Variants in CHST9 observed in about 807,000 individuals in gnomAD.
CHST9 encodes carbohydrate sulfotransferase 9, also known as GalNAc-4-sulfotransferase 2.
Under a neutral mutation model 44.4 loss-of-function variants are expected in CHST9, and 41 were observed. The ratio of observed to expected loss-of-function variants is 0.92; its 90% CI spans 0.72 to 1.20. CHST9 has a LOEUF of 1.20. Ranked by LOEUF, CHST9 falls within the 50% of genes most tolerant of loss-of-function variation. CHST9 has a pLI of 0.00. For missense variants in CHST9, 504 were observed against 516.5 expected (o/e 0.98, Z 0.23); for synonymous variants, 171 against 178.4 (o/e 0.96, Z 0.33).
chr18:27,038,537 CA>C (rs547192921), intron 3 of CHST9, among the ~76,000 whole-genome samples: 10 of 146,300 alleles, frequency 6.8e-5, no homozygotes, highest in African/African-American at 1.3e-4. Context: ...GACTCAGTTT[CA>C]AAAAAAAAAG....
chr18:27,031,307 C>T, intron 3 of CHST9, among the ~76,000 whole-genome samples: 1 of 152,122 alleles, frequency 6.6e-6, no homozygotes, highest in Non-Finnish European at 1.5e-5. Context: ...CCCCAAACCA[C>T]CCACCCCTCT....
intron 5 of CHST9, among the ~76,000 whole-genome samples, chr18:26,926,684 C>T (rs1226030254): frequency 6.6e-6 from 1 of 152,206 alleles, no homozygotes; most frequent in African/African-American, 2.4e-5. Flanking sequence ...TTCTCTAATT[C>T]TAACCCAGTA....
intron 1 of CHST9, among the ~76,000 whole-genome samples, chr18:27,180,997 T>C (rs1393844894): frequency 6.6e-6 from 1 of 152,198 alleles, no homozygotes; most frequent in Non-Finnish European, 1.5e-5. Context: ...ATCCCTACAC[T>C]TTATGTAGTG....
intron 1 of CHST9, among the ~76,000 whole-genome samples, chr18:27,178,020 A>G (rs1326210294): frequency 6.6e-6 from 1 of 151,968 alleles, no homozygotes; most frequent in Non-Finnish European, 1.5e-5. Context: ...GCACCACTAT[A>G]CTCGCATTAG....
At chr18:27,055,246 A>G (rs1394004420) in intron 2 of CHST9, among the ~76,000 whole-genome samples, 4 of 152,242 alleles carry the variant, frequency 2.6e-5, no homozygotes, top group African/African-American at 9.6e-5. Context: ...AAAGGGAGGA[A>G]GAGCATAACC....
At chr18:27,003,781 T>G (rs2056981251) in intron 4 of CHST9, among the ~76,000 whole-genome samples, 1 of 152,156 alleles carries the variant, frequency 6.6e-6, no homozygotes, top group Admixed American at 6.5e-5. Flanking sequence ...TTTGCTATAC[T>G]TTTCACTTTT....
intron 4 of CHST9, among the ~76,000 whole-genome samples, chr18:26,982,851 T>C (rs190064219): frequency 1.3e-5 from 2 of 152,208 alleles, no homozygotes; most frequent in South Asian, 2.1e-4. Flanking sequence ...ATAAAATTCA[T>C]ATACTCAAAA....
At chr18:27,138,748 A>G (rs1257827233) in intron 2 of CHST9, among the ~76,000 whole-genome samples, 1 of 152,168 alleles carries the variant, frequency 6.6e-6, no homozygotes, top group African/African-American at 2.4e-5. Flanking sequence ...AAATATGACT[A>G]TCCTCATTTT....
chr18:27,057,925 A>G (rs1031768060), intron 2 of CHST9, among the ~76,000 whole-genome samples: 4 of 152,242 alleles, frequency 2.6e-5, no homozygotes, highest in African/African-American at 9.6e-5. Context: ...GATCTACCCG[A>G]CAAGCACGTA....
chr18:26,920,683 T>C (rs2055634035), intron 5 of CHST9, among the ~76,000 whole-genome samples: 2 of 152,230 alleles, frequency 1.3e-5, no homozygotes, highest in South Asian at 2.1e-4. Context: ...TATGACCTTG[T>C]TGAAGAAAAA....
At chr18:27,027,025 T>A (rs1436902) in intron 3 of CHST9, among the ~76,000 whole-genome samples, 32,535 of 152,026 alleles carry the variant, frequency 0.21, 3,828 homozygotes, top group African/African-American at 0.31. Flanking sequence ...TTAATTTTTT[T>A]AAAAATTAGC....
chr18:27,026,437 C>T (rs891422081), intron 3 of CHST9, among the ~76,000 whole-genome samples: 3 of 151,994 alleles, frequency 2.0e-5, no homozygotes, highest in Non-Finnish European at 4.4e-5. Context: ...CTGTAAGCAT[C>T]GATTAAATGA....
chr18:27,056,809 G>C (rs2057661809), intron 2 of CHST9, among the ~76,000 whole-genome samples: 2 of 152,096 alleles, frequency 1.3e-5, no homozygotes, highest in Admixed American at 1.3e-4. Context: ...TTTCTGATAT[G>C]TTTACATCAC....
In CHST9 at chr18:26,952,097, G is replaced by A. The variant is rs8090343; in HGVS notation, c.203-7731C>T. On this transcript the variant is annotated intron_variant, in intron 4 of 5. Transcript: ENST00000618847. ...CACTGAAAAAGACAGAGCAATACTC[G>A]AACAGCAAAGAGGAAGCCACTTAGA... 1,443 of 417,120 alleles carry A rather than the reference G, an allele frequency of 3.5e-3. 22 individuals are homozygous for A. Among genetic ancestry groups the A allele is most frequent in the African/African-American group, 0.027 (1,299 of 48,442 alleles). 25.8% of individuals were successfully genotyped at this position (417,120 alleles called of 1,614,324 possible).
intron 1 of CHST9, among the ~76,000 whole-genome samples, chr18:27,174,929 C>T (rs1440917968): frequency 6.6e-6 from 1 of 151,910 alleles, no homozygotes; most frequent in African/African-American, 2.4e-5. Context: ...ACAAAATGTT[C>T]AAGAGTTTCC....
intron 2 of CHST9, among the ~76,000 whole-genome samples, chr18:27,076,369 T>C (rs1425802059): frequency 6.6e-6 from 1 of 152,162 alleles, no homozygotes; most frequent in Non-Finnish European, 1.5e-5. Context: ...GTAGTATTGG[T>C]CCATTTTAGT....
At chr18:27,104,193 A>C (rs1407537181) in intron 2 of CHST9, among the ~76,000 whole-genome samples, 11 of 152,092 alleles carry the variant, frequency 7.2e-5, no homozygotes. Context: ...TCATTTAAGT[A>C]AATTCTACAT....
chr18:26,948,012 G>A (rs1041143626), intron 4 of CHST9, among the ~76,000 whole-genome samples: 2 of 152,132 alleles, frequency 1.3e-5, no homozygotes, highest in African/African-American at 4.8e-5. Flanking sequence ...GCCCATCAAT[G>A]ACAGACAGGA....
chr18:27,006,780 T>A lies in CHST9; in HGVS notation c.202+17336A>T, dbSNP rs183523619. 2.0e-5 allele frequency among the ~76,000 whole-genome samples: 3 copies of A among 152,166 alleles called. No individual in the cohort carries two copies. The East Asian group carries it at 5.8e-4, about 29-fold the overall frequency. On this transcript the variant is annotated intron_variant, in intron 4 of 5. Transcript: ENST00000618847. ...ATAAAAACTGCAGAGAAAAGTCCAA[T>A]CTCCCTGAGATAGATTGAGTCAAAG...
Sources: gnomAD v4.1 joint callset for allele counts (sites outside exome capture counted in the v4.1 genomes callset) on GRCh38, gnomAD v4.1.1 for gene constraint, MANE v1.5 for transcripts, NCBI Gene and HGNC (gene_info 2026-07-23, HGNC 2026-07-21) for gene names.